CFAP299: variants seen among roughly 807,000 people sequenced by gnomAD.
CFAP299 encodes the protein cilia- and flagella-associated protein 299.
In CFAP299, 21 loss-of-function variants were observed where a neutral mutation model predicts 27.0. That is an observed-to-expected ratio of 0.78 (90% CI 0.55 to 1.12). CFAP299 has a LOEUF of 1.12. Among genes scored for constraint, CFAP299 ranks in the 50% most tolerant of loss-of-function variants. The pLI, the probability that CFAP299 is intolerant of heterozygous loss-of-function variation, is 0.00. For missense variants in CFAP299, 310 were observed against 276.6 expected, an observed-to-expected ratio of 1.12 and a Z score of -0.86; for synonymous variants, 104 against 98.1, an observed-to-expected ratio of 1.06 and a Z score of -0.36.
chr4:80,834,442 C>G (rs760031937), intron 3 of CFAP299, among the ~76,000 whole-genome samples: 23 of 152,114 alleles, frequency 1.5e-4, no homozygotes, highest in Non-Finnish European at 2.6e-4. Flanking sequence ...AGGCTACTAT[C>G]AATGTTACAA....
intron 3 of CFAP299, among the ~76,000 whole-genome samples, chr4:80,843,999 C>T (rs571065111): frequency 1.3e-5 from 2 of 152,112 alleles, no homozygotes; most frequent in Non-Finnish European, 2.9e-5. Context: ...TGAGAACATG[C>T]GGTGTTTGGA....
intron 3 of CFAP299, among the ~76,000 whole-genome samples, chr4:80,836,362 G>C (rs1448206184): frequency 6.6e-6 from 1 of 152,092 alleles, no homozygotes; most frequent in East Asian, 1.9e-4. Context: ...TATCTGGCAT[G>C]GGTCTTGGCA....
At chr4:80,568,974 C>T (rs1398133145) in intron 2 of CFAP299, among the ~76,000 whole-genome samples, 1 of 151,994 alleles carries the variant, frequency 6.6e-6, no homozygotes, top group Non-Finnish European at 1.5e-5. Flanking sequence ...GAGACTGGAC[C>T]ACAGTTTTAT....
At chr4:80,712,979 A>C (rs1722260689) in intron 3 of CFAP299, among the ~76,000 whole-genome samples, 1 of 152,018 alleles carries the variant, frequency 6.6e-6, no homozygotes, top group Non-Finnish European at 1.5e-5. Flanking sequence ...TTTTGAGAGC[A>C]TTTAGTATGT....
upstream of CFAP299, among the ~76,000 whole-genome samples, chr4:80,332,283 T>C (rs1445186538): frequency 6.6e-6 from 1 of 152,152 alleles, no homozygotes; most frequent in Non-Finnish European, 1.5e-5. Flanking sequence ...TTTCCAAAAG[T>C]TTTGCTGTAA....
intron 4 of CFAP299, among the ~76,000 whole-genome samples, chr4:80,899,632 A>G (rs1407981808): frequency 2.6e-5 from 4 of 152,200 alleles, no homozygotes; most frequent in African/African-American, 9.7e-5. Context: ...CATGTCAGAG[A>G]TTTCAGTCCT....
In CFAP299 at chr4:80,437,095, G is replaced by A. The variant is rs550320312; in HGVS notation, c.242+74211G>A. Among the ~76,000 whole-genome samples, 142 of 152,220 alleles carry A rather than the reference G, an allele frequency of 9.3e-4. 1 individual carries two copies. The highest frequency in any genetic ancestry group is 3.3e-3 in the African/African-American group (137 of 41,526). On this transcript the variant is annotated intron_variant, in intron 2 of 5. Transcript: ENST00000358105. ...CGATATTGCTTGTGGCTAAGAGTTA[G>A]ATAATAACCAGATAAATGACTACAG...
chr4:80,939,803 C>T (rs1177527602), intron 4 of CFAP299, among the ~76,000 whole-genome samples: 10 of 152,130 alleles, frequency 6.6e-5, no homozygotes, highest in Non-Finnish European at 1.5e-4. Flanking sequence ...CACAAGTCAG[C>T]TTAACTAGAG....
chr4:80,868,897 T>TTCTCTCTC (rs71664822), intron 3 of CFAP299, among the ~76,000 whole-genome samples: 11 of 141,224 alleles, frequency 7.8e-5, no homozygotes, highest in Non-Finnish European at 1.5e-4. Context: ...GGGTGGGGGC[T>TTCTCTCTC]TCTCTCTCTG....
At chr4:80,390,762 TATATATGTATATATACATATACAC>T in intron 2 of CFAP299, among the ~76,000 whole-genome samples, 1 of 145,546 alleles carries the variant, frequency 6.9e-6, no homozygotes, top group African/African-American at 2.5e-5. Context: ...CACACATATG[TATATATGTATATATACATATACAC>T]ATATATGTAT....
At chr4:80,386,792 T>TGCGTCGATAA in intron 2 of CFAP299, 3 of 1,133,708 alleles carry the variant, frequency 2.6e-6, no homozygotes, top group Non-Finnish European at 4.0e-6. Context: ...GCAGCTTGTG[T>TGCGTCGATAA]GCGTCGATAA....
intron 3 of CFAP299, among the ~76,000 whole-genome samples, chr4:80,797,230 T>C (rs1727918796): frequency 6.6e-6 from 1 of 152,136 alleles, no homozygotes; most frequent in African/African-American, 2.4e-5. Context: ...GCATAAATTG[T>C]TGCTAGTGTA....
intron 4 of CFAP299, chr4:80,871,694 T>A: frequency 1.1e-6 from 1 of 936,962 alleles, no homozygotes. Context: ...AGCTTTGTTT[T>A]GTTAAAGCAA....
chr4:80,846,093 A>G (rs1468838560), intron 3 of CFAP299, among the ~76,000 whole-genome samples: 3 of 152,166 alleles, frequency 2.0e-5, no homozygotes, highest in Non-Finnish European at 4.4e-5. Flanking sequence ...AGCATCCTTA[A>G]TCACAAGCAG....
At chr4:80,892,686 T>C (rs1734368337) in intron 4 of CFAP299, among the ~76,000 whole-genome samples, 1 of 152,132 alleles carries the variant, frequency 6.6e-6, no homozygotes, top group Admixed American at 6.5e-5. Flanking sequence ...TATATTTCAA[T>C]GATATAAAAA....
chr4:80,748,807 G>A (rs1229292736), intron 3 of CFAP299, among the ~76,000 whole-genome samples: 1 of 152,122 alleles, frequency 6.6e-6, no homozygotes, highest in Non-Finnish European at 1.5e-5. Context: ...CTGACATAAA[G>A]ATTATTTGTT....
At chr4:80,763,818 G>A (rs184219246) in intron 3 of CFAP299, among the ~76,000 whole-genome samples, 8 of 151,986 alleles carry the variant, frequency 5.3e-5, no homozygotes, top group African/African-American at 1.2e-4. Context: ...TACAACCATC[G>A]AATCTTCAAC....
intron 3 of CFAP299, among the ~76,000 whole-genome samples, chr4:80,605,222 T>A (rs144643812): frequency 6.6e-6 from 1 of 152,214 alleles, no homozygotes; most frequent in African/African-American, 2.4e-5. Flanking sequence ...ATGATTTTCA[T>A]TGAAGAAATA....
intron 3 of CFAP299, among the ~76,000 whole-genome samples, chr4:80,713,596 A>G (rs1048051997): frequency 5.3e-5 from 8 of 152,216 alleles, no homozygotes; most frequent in African/African-American, 1.7e-4. Context: ...TCTGCCAAGC[A>G]CTTTACATGC....
Sources: gnomAD v4.1 joint callset for allele counts (sites outside exome capture counted in the v4.1 genomes callset) on GRCh38, gnomAD v4.1.1 for gene constraint, MANE v1.5 for transcripts, NCBI Gene and HGNC (gene_info 2026-07-23, HGNC 2026-07-21) for gene names.